The following MARK3 variants were observed in gnomAD, a reference collection of about 807,000 sequenced individuals.
MARK3 encodes the protein microtubule affinity regulating kinase 3.
Under a neutral mutation model 90.1 loss-of-function variants are expected in MARK3, and 46 were observed. The observed-to-expected ratio is 0.51, with a 90% CI of 0.40 to 0.65. The LOEUF is 0.65. MARK3 is among the 30% of genes least tolerant of loss of function. The pLI is 0.00. For synonymous variants in MARK3, 321 were observed against 332.6 expected, an observed-to-expected ratio of 0.97 and a Z score of 0.38; for missense variants, 818 against 947.2, an observed-to-expected ratio of 0.86 and a Z score of 1.79.
At chr14:103,455,767 A>G (rs1407277920) in intron 5 of MARK3, among the ~76,000 whole-genome samples, 1 of 151,968 alleles carries the variant, frequency 6.6e-6, no homozygotes, top group Non-Finnish European at 1.5e-5. Context: ...AAGTAATAAC[A>G]TGAAAATATT....
intron 14 of MARK3, among the ~76,000 whole-genome samples, chr14:103,483,983 CA>C (rs1010041669): frequency 3.9e-5 from 6 of 152,188 alleles, no homozygotes; most frequent in African/African-American, 1.4e-4. Context: ...TCTTAGTTTG[CA>C]CTGACTAAAC....
At chr14:103,402,807 A>C (rs1485439983) in intron 1 of MARK3, among the ~76,000 whole-genome samples, 1 of 152,156 alleles carries the variant, frequency 6.6e-6, no homozygotes, top group Non-Finnish European at 1.5e-5. Context: ...TTATAAAGAG[A>C]AGTGTTACAT....
At chr14:103,461,928 C>T (rs927121270) in intron 6 of MARK3, among the ~76,000 whole-genome samples, 2 of 151,640 alleles carry the variant, frequency 1.3e-5, no homozygotes, top group Admixed American at 1.3e-4. Flanking sequence ...CCCAGCTACT[C>T]GGGAGACTGA....
intron 3 of MARK3, 79 bp downstream of exon 3, chr14:103,428,519 CAACT>C (rs530270821): frequency 2.1e-5 from 16 of 761,612 alleles, no homozygotes; most frequent in Non-Finnish European, 3.0e-5. Flanking sequence ...TTAAATACCC[CAACT>C]GTTATTTTAT....
At chr14:103,456,201 T>G (rs1401351918) in intron 5 of MARK3, among the ~76,000 whole-genome samples, 1 of 152,218 alleles carries the variant, frequency 6.6e-6, no homozygotes, top group Non-Finnish European at 1.5e-5. Flanking sequence ...CCCACTCTAG[T>G]CCCCGTCACT....
At chr14:103,429,625 G>A (rs2092519061) in intron 3 of MARK3, among the ~76,000 whole-genome samples, 1 of 152,128 alleles carries the variant, frequency 6.6e-6, no homozygotes, top group Admixed American at 6.5e-5. Flanking sequence ...CCCATAATGG[G>A]CCTTAAGGCT....
intron 3 of MARK3, among the ~76,000 whole-genome samples, chr14:103,438,973 G>A (rs1333579731): frequency 6.7e-6 from 1 of 148,270 alleles, no homozygotes. Flanking sequence ...GGGTGACAGA[G>A]CAAGACTCCT....
intron 4 of MARK3, 59 bp from the exon 5 acceptor site, chr14:103,451,859 A>G (rs2093154126): frequency 8.4e-7 from 1 of 1,193,516 alleles, no homozygotes; most frequent in South Asian, 1.3e-5. Flanking sequence ...TTATATGTGC[A>G]TGGTTTGTGC....
chr14:103,447,773 GTTTT>G (rs1437170606), intron 3 of MARK3, among the ~76,000 whole-genome samples: 2 of 151,752 alleles, frequency 1.3e-5, no homozygotes, highest in Non-Finnish European at 2.9e-5. Context: ...TGGTTGGATG[GTTTT>G]TTGTTTGTTT....
Position 103,467,137 on chromosome 14 carries a change from G to T in MARK3, c.1056G>T (p.Met352Ile). The T allele has an allele frequency of 1.2e-6, 2 of 1,602,826 alleles. No homozygotes were observed. The highest frequency in any genetic ancestry group is 1.7e-6 in the Non-Finnish European group (2 of 1,172,178). ...QEEIQESLSK[M>I]KYDEITATYL... ...AAATTCAAGAATCTCTTAGTAAGAT[G>T]AAATACGATGAAATCACAGCTACAT... Residue 352 changes from methionine (M) to isoleucine (I), a missense_variant, in exon 11 of 18, where the codon ATG (methionine) becomes ATT (isoleucine). Coordinates refer to ENST00000429436, the MANE Select transcript of MARK3 (RefSeq NM_001128918.3).
intron 14 of MARK3, among the ~76,000 whole-genome samples, chr14:103,488,829 C>A (rs548827456): frequency 6.6e-6 from 1 of 152,274 alleles, no homozygotes; most frequent in African/African-American, 2.4e-5. Context: ...TACAGCAAGA[C>A]CCTGTCTCCA....
chr14:103,467,004 CAAAAAAA>C (rs11320440), intron 10 of MARK3, 68 bp from the exon 11 acceptor site: 96 of 423,704 alleles, frequency 2.3e-4, no homozygotes, highest in Admixed American at 3.6e-4. Flanking sequence ...AACTCCGTCT[CAAAAAAA>C]AAAAAAAAAA....
intron 2 of MARK3, 69 bp downstream of exon 2, chr14:103,405,336 A>C (rs925272030): frequency 8.0e-7 from 1 of 1,256,610 alleles, no homozygotes; most frequent in Non-Finnish European, 1.1e-6. Flanking sequence ...GAGAAAGAAA[A>C]GAATATAGAT....
intron 12 of MARK3, among the ~76,000 whole-genome samples, chr14:103,470,604 C>A (rs866127919): frequency 5.1e-4 from 77 of 151,522 alleles, no homozygotes; most frequent in African/African-American, 1.8e-3. Context: ...TACAGGCATG[C>A]ATCACCATGC....
intron 1 of MARK3, among the ~76,000 whole-genome samples, chr14:103,391,706 G>A (rs1462091629): frequency 8.6e-6 from 1 of 115,650 alleles, no homozygotes; most frequent in East Asian, 2.5e-4. Context: ...ACCATGCCTG[G>A]CTATTTTTTT....
intron 3 of MARK3, among the ~76,000 whole-genome samples, chr14:103,431,758 C>T (rs753949360): frequency 1.3e-5 from 2 of 152,188 alleles, no homozygotes; most frequent in Non-Finnish European, 2.9e-5. Flanking sequence ...TTTCCCCTTA[C>T]TTCAGACTAG....
At chr14:103,396,967 A>G (rs1233412589) in intron 1 of MARK3, among the ~76,000 whole-genome samples, 1 of 152,210 alleles carries the variant, frequency 6.6e-6, no homozygotes, top group African/African-American at 2.4e-5. Context: ...TATTTCAAAA[A>G]TAGGATATAA....
At chr14:103,392,198 A>C (rs1447431281) in intron 1 of MARK3, among the ~76,000 whole-genome samples, 1 of 152,206 alleles carries the variant, frequency 6.6e-6, no homozygotes, top group African/African-American at 2.4e-5. Context: ...TAACCTATTC[A>C]GCAAGTGTGA....
intron 4 of MARK3, among the ~76,000 whole-genome samples, chr14:103,451,179 C>A (rs183565447): frequency 6.6e-6 from 1 of 151,830 alleles, no homozygotes; most frequent in African/African-American, 2.4e-5. Flanking sequence ...ACGATCCACC[C>A]GCCTCAGCCT....
Sources: allele counts gnomAD v4.1 joint callset (sites outside exome capture counted in the v4.1 genomes callset), GRCh38; gene constraint gnomAD v4.1.1; transcripts MANE v1.5; gene names NCBI Gene and HGNC (gene_info 2026-07-23, HGNC 2026-07-21).